Variants in IPO5 observed in about 807,000 individuals in gnomAD.
IPO5 encodes the protein importin-5.
A neutral mutation model predicts 143.3 loss-of-function variants in IPO5; 18 were observed. That is an observed-to-expected ratio of 0.13 (90% CI 0.09 to 0.19). IPO5 has a LOEUF of 0.19. IPO5 is among the 10% of genes least tolerant of loss of function. The pLI is 1.00. For missense variants in IPO5, 1,013 were observed against 1,336.9 expected, an observed-to-expected ratio of 0.76 and a Z score of 3.78; for synonymous variants, 477 against 465.7, an observed-to-expected ratio of 1.02 and a Z score of -0.31.
chr13:98,017,318 TTC>T, intron 25 of IPO5, among the ~76,000 whole-genome samples: 1 of 152,034 alleles, frequency 6.6e-6, no homozygotes, highest in Non-Finnish European at 1.5e-5. Context: ...TTTTATAGAC[TTC>T]TTTTTGTTTG....
Position 97,985,436 on chromosome 13 carries a change from G to C in IPO5, c.187G>C (p.Ala63Pro). Residue 63 changes from alanine (A) to proline (P), a missense_variant, in exon 6 of 29, where the codon GCC becomes CCC. Ala to Pro is a conservative substitution (Grantham distance 27). Transcript: ENST00000651721. ...TAAEEARQMA[A>P]VLLRRLLSSA... ...CTGTTTATAGGCTAGACAAATGGCCGCCGTTCTCCTAAGACGTCTCTTGTC... is the reference window on the plus strand; with the variant it reads ...CTGTTTATAGGCTAGACAAATGGCCCCCGTTCTCCTAAGACGTCTCTTGTC... 6.2e-7 allele frequency: 1 copy of C among 1,613,884 alleles called. No homozygotes were observed. Among genetic ancestry groups the C allele is most frequent in the Non-Finnish European group, 8.5e-7 (1 of 1,179,786 alleles).
intron 2 of IPO5, among the ~76,000 whole-genome samples, chr13:97,962,102 C>T (rs921098113): frequency 6.6e-6 from 1 of 152,210 alleles, no homozygotes; most frequent in African/African-American, 2.4e-5. Flanking sequence ...GCATTCCAGC[C>T]TGGGTGACAG....
Position 97,989,183 on chromosome 13 carries a change from T to A in IPO5, c.467+19T>A. ...TTTTCTGGTATATACATTAATCTAGTTTTTTGAGACATTTGATTTAATGAA... is the reference window on the plus strand; with the variant it reads ...TTTTCTGGTATATACATTAATCTAGATTTTTGAGACATTTGATTTAATGAA... On this transcript the variant is annotated intron_variant, in intron 7 of 28. Coordinates refer to ENST00000651721, the MANE Select transcript of IPO5 (RefSeq NM_002271.6). The A allele has an allele frequency of 7.2e-7, 1 of 1,396,968 alleles. No homozygotes were observed. The highest frequency in any genetic ancestry group is 1.0e-6 in the Non-Finnish European group (1 of 985,910). The allele number at this position is 1,396,968 out of a possible 1,614,324, so 86.5% of individuals were successfully genotyped here. A position where few individuals can be genotyped will look rare whatever the true frequency, so the allele number is the denominator to read the frequency against.
intron 13 of IPO5, chr13:98,000,917 T>C: frequency 4.8e-6 from 2 of 412,696 alleles, no homozygotes; most frequent in Admixed American, 3.9e-5. Flanking sequence ...ATACTCTTCT[T>C]TCACCCAATA....
chr13:97,985,588 G>A lies in IPO5; in HGVS notation c.339G>A (p.Ala113=), dbSNP rs144194122. ...SSMRKKVCDI[A]AELARNLIDE... is the part of the protein sequence containing the mutation. The stretch of plus-strand genomic sequence containing the variant: ...TGAGGAAAAAAGTTTGTGATATTGC[G>A]GCAGAACTGGCCAGGAATTTAATAG... Residue 113 remains alanine (A), a synonymous_variant, in exon 6 of 29, where the codon GCG becomes GCA. Transcript: ENST00000651721. The A allele has an allele frequency of 4.0e-5, 64 of 1,613,236 alleles. No individual in the cohort carries two copies. Among genetic ancestry groups the A allele is most frequent in the Admixed American group, 6.7e-5 (4 of 59,926 alleles).
At chr13:98,020,375 G>GT (rs1409237801) in intron 27 of IPO5, among the ~76,000 whole-genome samples, 1 of 152,014 alleles carries the variant, frequency 6.6e-6, no homozygotes, top group Admixed American at 6.5e-5. Context: ...CTCCATACTT[G>GT]TTTAAGTTCA....
chr13:97,999,692 A>C (rs993863854), intron 12 of IPO5, among the ~76,000 whole-genome samples: 1 of 152,212 alleles, frequency 6.6e-6, no homozygotes, highest in Non-Finnish European at 1.5e-5. Context: ...TTTTATGCCC[A>C]CATTCCTTTG....
At chr13:98,021,670 A>G (rs1337500772) in intron 28 of IPO5, 66 bp from the exon 29 acceptor site, 35 of 913,576 alleles carry the variant, frequency 3.8e-5, no homozygotes. Context: ...TTTACCTATG[A>G]TGATGATTAA....
At chr13:98,014,691 G>A (rs1467800066) in intron 22 of IPO5, among the ~76,000 whole-genome samples, 4 of 152,114 alleles carry the variant, frequency 2.6e-5, no homozygotes, top group African/African-American at 9.7e-5. Flanking sequence ...GGAATGATAT[G>A]GGCAGCAGCA....
intron 4 of IPO5, among the ~76,000 whole-genome samples, chr13:97,981,578 A>G (rs1447304648): frequency 6.6e-6 from 1 of 152,236 alleles, no homozygotes; most frequent in East Asian, 1.9e-4. Context: ...GAGAGCAGGT[A>G]AGCTCTAAAG....
intron 9 of IPO5, among the ~76,000 whole-genome samples, chr13:97,992,457 T>C (rs1462045108): frequency 2.6e-5 from 4 of 152,312 alleles, no homozygotes; most frequent in Admixed American, 2.6e-4. Context: ...ACACATGTTG[T>C]CCTGGCTACT....
intron 3 of IPO5, 51 bp from the exon 4 acceptor site, chr13:97,976,642 A>T: frequency 1.7e-6 from 1 of 584,660 alleles, no homozygotes; most frequent in Non-Finnish European, 2.6e-6. Context: ...GCGGCCCGCG[A>T]GCGCGCCTCA....
At chr13:98,015,909 A>T (rs1423312977) in intron 24 of IPO5, 128 bp downstream of exon 24, 4 of 613,892 alleles carry the variant, frequency 6.5e-6, no homozygotes, top group Non-Finnish European at 8.6e-6. Flanking sequence ...GAGGAGTCAG[A>T]TATATTTCCT....
chr13:97,984,211 C>T (rs1887136428), intron 5 of IPO5, among the ~76,000 whole-genome samples: 1 of 151,654 alleles, frequency 6.6e-6, no homozygotes, highest in South Asian at 2.1e-4. Context: ...ATCTCCTGAC[C>T]TCGTGATCCG....
chr13:97,985,988 C>T (rs1204785406), intron 6 of IPO5, among the ~76,000 whole-genome samples: 5 of 152,026 alleles, frequency 3.3e-5, no homozygotes, highest in Non-Finnish European at 7.4e-5. Flanking sequence ...ATGGTGTGCA[C>T]CTGTAGTCCC....
chr13:97,977,058 G>A (rs1263310664), intron 4 of IPO5: 1 of 183,670 alleles, frequency 5.4e-6, no homozygotes, highest in Non-Finnish European at 1.2e-5. Flanking sequence ...CCCCGTCCAG[G>A]TGTGGGGTGC....
rs758767418 is a variant in IPO5, at chr13:98,008,043, A to G, written c.1717-16A>G. On this transcript the variant is annotated splice_polypyrimidine_tract_variant and intron_variant, in intron 17 of 28. Transcript: ENST00000651721. ...ATTCGGTATCAACAAGTGTGTCTCT[A>G]CATATTTTCCTCTAGTTCATGCAGG... 2.6e-6 allele frequency: 4 copies of G among 1,548,466 alleles called. No individual in the cohort carries two copies. In the East Asian group the frequency reaches 6.7e-5, roughly 26 times the overall value.
chr13:98,015,864 A>AC, intron 24 of IPO5, 83 bp downstream of exon 24: 3 of 829,500 alleles, frequency 3.6e-6, no homozygotes, highest in Non-Finnish European at 5.9e-6. Flanking sequence ...GATTTATGTG[A>AC]CTTGTCATTC....
In IPO5 at chr13:97,968,705, T is replaced by C. The variant is rs149744385; in HGVS notation, c.-112-1018T>C. 4.5e-4 allele frequency among the ~76,000 whole-genome samples: 68 copies of C among 152,274 alleles called. 1 individual carries two copies. The East Asian group carries it at 0.013, about 29-fold the overall frequency. Reference sequence around the variant, plus strand: ...TCCACCTGCTTTTGTTTTTTTGTCTTTTTGAGATGGAGTCTTGCTCCGTCA... The same window carrying C: ...TCCACCTGCTTTTGTTTTTTTGTCTCTTTGAGATGGAGTCTTGCTCCGTCA... On this transcript the variant is annotated intron_variant, in intron 2 of 28. Coordinates refer to ENST00000651721, the MANE Select transcript of IPO5 (RefSeq NM_002271.6).
Sources: gnomAD v4.1 joint callset for allele counts (sites outside exome capture counted in the v4.1 genomes callset) on GRCh38, gnomAD v4.1.1 for gene constraint, MANE v1.5 for transcripts, NCBI Gene and HGNC (gene_info 2026-07-23, HGNC 2026-07-21) for gene names.